PKP4: variants seen among roughly 807,000 people sequenced by gnomAD.
The protein encoded by PKP4 is plakophilin 4, also known as plakophilin-4.
A neutral mutation model predicts 145.1 loss-of-function variants in PKP4; 90 were observed. The observed-to-expected ratio is 0.62, with a 90% confidence interval of 0.52 to 0.74. The LOEUF (loss-of-function observed/expected upper bound fraction) is 0.74. PKP4 is among the 30% of genes least tolerant of loss of function. The pLI is 0.00. For synonymous variants in PKP4, 563 were observed against 577.2 expected (o/e 0.98, Z 0.35); for missense variants, 1,340 against 1,482.7 (o/e 0.90, Z 1.58).
chr2:158,494,076 C>A (rs1695335506), intron 1 of PKP4, among the ~76,000 whole-genome samples: 1 of 152,082 alleles, frequency 6.6e-6, no homozygotes, highest in East Asian at 1.9e-4. Context: ...TTTTTTAATA[C>A]AGTTTAGGAA....
chr2:158,616,986 A>G (rs1400046670), intron 4 of PKP4, among the ~76,000 whole-genome samples: 1 of 152,168 alleles, frequency 6.6e-6, no homozygotes, highest in Non-Finnish European at 1.5e-5. Flanking sequence ...TTTGTATTCC[A>G]TCTTTTACCA....
At chr2:158,545,814 A>T (rs938258124) in intron 2 of PKP4, among the ~76,000 whole-genome samples, 2 of 152,144 alleles carry the variant, frequency 1.3e-5, no homozygotes, top group Non-Finnish European at 2.9e-5. Context: ...AAATGCCAAG[A>T]ATTATGATTA....
chr2:158,472,439 C>G (rs1207715140), intron 1 of PKP4, among the ~76,000 whole-genome samples: 2 of 151,634 alleles, frequency 1.3e-5, no homozygotes, highest in Non-Finnish European at 1.5e-5. Flanking sequence ...GAAACCCTGT[C>G]TCTACTAAAA....
At chr2:158,678,523 G>A in intron 20 of PKP4, 58 bp from the exon 21 acceptor site, 3 of 1,239,818 alleles carry the variant, frequency 2.4e-6, no homozygotes, top group Non-Finnish European at 3.6e-6. Flanking sequence ...AGACCACCCA[G>A]CCTAATGGAC....
intron 3 of PKP4, among the ~76,000 whole-genome samples, chr2:158,587,124 C>T (rs988344917): frequency 1.3e-5 from 2 of 151,934 alleles, no homozygotes; most frequent in African/African-American, 4.8e-5. Context: ...GGAAGAACCA[C>T]AAAAAAGATC....
intron 11 of PKP4, among the ~76,000 whole-genome samples, chr2:158,645,005 G>A (rs909302472): frequency 1.3e-4 from 19 of 151,978 alleles, no homozygotes; most frequent in South Asian, 2.1e-4. Flanking sequence ...GTAACACTTG[G>A]GAATGAATAA....
intron 1 of PKP4, among the ~76,000 whole-genome samples, chr2:158,479,082 T>C (rs1318945098): frequency 6.6e-6 from 1 of 152,078 alleles, no homozygotes; most frequent in African/African-American, 2.4e-5. Context: ...CTCGAGGAGG[T>C]TTCTATTCTT....
chr2:158,468,770 C>CTTTTCTT (rs1553536304), intron 1 of PKP4, among the ~76,000 whole-genome samples: 1 of 109,968 alleles, frequency 9.1e-6, no homozygotes, highest in Non-Finnish European at 1.8e-5. Context: ...TCTTCTTCTT[C>CTTTTCTT]TTTTTTTTTT....
intron 10 of PKP4, among the ~76,000 whole-genome samples, chr2:158,641,857 T>G (rs1231225162): frequency 6.6e-6 from 1 of 152,248 alleles, no homozygotes; most frequent in East Asian, 1.9e-4. Context: ...ATTTGCACAT[T>G]GCACTGCTGG....
At chr2:158,608,329 AAT>A (rs896637263) in intron 4 of PKP4, among the ~76,000 whole-genome samples, 2 of 152,200 alleles carry the variant, frequency 1.3e-5, no homozygotes, top group African/African-American at 4.8e-5. Context: ...TAAATATAAA[AAT>A]ATATATGGTA....
intron 1 of PKP4, among the ~76,000 whole-genome samples, chr2:158,460,431 G>A (rs950915562): frequency 2.0e-5 from 3 of 151,968 alleles, no homozygotes; most frequent in Non-Finnish European, 4.4e-5. Flanking sequence ...TTTGAAACTC[G>A]CTTTAATTTT....
At chr2:158,575,352 C>A (rs1215553233) in intron 2 of PKP4, among the ~76,000 whole-genome samples, 1 of 152,140 alleles carries the variant, frequency 6.6e-6, no homozygotes. Context: ...GCCAAAGTCA[C>A]CCGTTCTGCT....
chr2:158,515,007 CAT>C (rs1169980787), intron 1 of PKP4, among the ~76,000 whole-genome samples: 2 of 152,130 alleles, frequency 1.3e-5, no homozygotes, highest in Non-Finnish European at 2.9e-5. Flanking sequence ...AGACTTTAAA[CAT>C]GTATAAAATC....
intron 1 of PKP4, among the ~76,000 whole-genome samples, chr2:158,518,593 A>G (rs750466473): frequency 5.3e-5 from 8 of 152,176 alleles, no homozygotes; most frequent in Non-Finnish European, 1.0e-4. Flanking sequence ...TTTAATCTTC[A>G]GTTTTCCTAA....
chr2:158,616,247 A>G (rs1479508186), intron 4 of PKP4, among the ~76,000 whole-genome samples: 1 of 152,216 alleles, frequency 6.6e-6, no homozygotes, highest in Non-Finnish European at 1.5e-5. Context: ...CATACCTGCT[A>G]TAGAAATAAA....
Position 158,625,423 on chromosome 2 carries a change from G to A in PKP4, c.1149G>A (p.Leu383=), listed in dbSNP as rs2052677315. The change falls in exon 7 of 22, where the codon CTG becomes CTA. Residue 383 remains leucine (L), a synonymous_variant. Transcript: ENST00000389759. The part of the protein sequence containing the change: ...ERMVPPRPDS[L]TGLRSSYASQ... ...TGGTTCCACCCAGGCCAGACAGCCTGACAGGTGCGTACAAGGTGACAGTGC... is the reference window on the plus strand; with the variant it reads ...TGGTTCCACCCAGGCCAGACAGCCTAACAGGTGCGTACAAGGTGACAGTGC... 6.2e-7 allele frequency: 1 copy of A among 1,608,224 alleles called. No homozygotes were observed. Among genetic ancestry groups the A allele is most frequent in the African/African-American group, 1.3e-5 (1 of 74,854 alleles).
intron 4 of PKP4, among the ~76,000 whole-genome samples, chr2:158,615,793 T>G (rs1169426311): frequency 6.6e-6 from 1 of 152,194 alleles, no homozygotes; most frequent in African/African-American, 2.4e-5. Flanking sequence ...TAAAGCAGAG[T>G]TTAAAGTGAA....
chr2:158,535,196 C>A (rs78119568), intron 2 of PKP4, among the ~76,000 whole-genome samples: 2 of 152,096 alleles, frequency 1.3e-5, no homozygotes, highest in African/African-American at 4.8e-5. Flanking sequence ...TTAAGACTCT[C>A]CTGAAATATG....
chr2:158,546,012 G>C (rs1333959502), intron 2 of PKP4, among the ~76,000 whole-genome samples: 1 of 152,066 alleles, frequency 6.6e-6, no homozygotes, highest in Non-Finnish European at 1.5e-5. Context: ...GATTAAATTG[G>C]TATCTCTTTA....
Sources: allele counts gnomAD v4.1 joint callset (sites outside exome capture counted in the v4.1 genomes callset), GRCh38; gene constraint gnomAD v4.1.1; transcripts MANE v1.5; gene names NCBI Gene and HGNC (gene_info 2026-07-23, HGNC 2026-07-21).